MROH2A: variants seen among roughly 807,000 people sequenced by gnomAD.
MROH2A encodes maestro heat-like repeat-containing protein family member 2A.
In MROH2A, 174 loss-of-function variants were observed where a neutral mutation model predicts 200.4. The ratio of observed to expected loss-of-function variants is 0.87; its 90% CI spans 0.77 to 0.98. The LOEUF is 0.98. Among genes scored for constraint, MROH2A ranks in the 50% least tolerant of loss-of-function variants. MROH2A has a pLI of 0.00. For missense variants in MROH2A, 2,045 were observed against 2,139.6 expected (o/e 0.96, Z 0.87); for synonymous variants, 829 against 840.4 (o/e 0.99, Z 0.23).
chr2:233,822,438 A>G lies in MROH2A; in HGVS notation c.3748A>G (p.Ile1250Val). 2 of 1,550,800 alleles carry G rather than the reference A, an allele frequency of 1.3e-6. No homozygotes were observed. Among genetic ancestry groups the G allele is most frequent in the Non-Finnish European group, 8.7e-7 (1 of 1,147,034 alleles). The change falls in exon 33 of 42, where the codon ATC becomes GTC. Residue 1250 changes from isoleucine to valine, a missense_variant. Coordinates refer to ENST00000389758, the MANE Select transcript of MROH2A (RefSeq NM_001394639.1). ...DKLPDFLPDL[I>V]YTLLLQLGSS... ...GCTCCCGGACTTCCTCCCTGACCTCATCTACACCCTCCTGCTGCAGCTTGG... is the reference window on the plus strand; with the variant it reads ...GCTCCCGGACTTCCTCCCTGACCTCGTCTACACCCTCCTGCTGCAGCTTGG...
At chr2:233,784,490 G>A (rs1701096928) in intron 3 of MROH2A, among the ~76,000 whole-genome samples, 2 of 152,174 alleles carry the variant, frequency 1.3e-5, no homozygotes, top group African/African-American at 4.8e-5. Flanking sequence ...ATGTGCTGAT[G>A]AGAAACTAAT....
rs1704805260 is a variant in MROH2A at position 233,832,157 on chromosome 2, G to A, written c.4735-20G>A. The A allele has an allele frequency of 6.5e-7, 1 of 1,545,246 alleles. No individual in the cohort carries two copies. Among genetic ancestry groups the A allele is most frequent in the African/African-American group, 1.4e-5 (1 of 72,964 alleles). On this transcript the variant is annotated intron_variant, in intron 39 of 41. Coordinates refer to ENST00000389758, the MANE Select transcript of MROH2A (RefSeq NM_001394639.1). ...AGGGTCTCATCCTCCAAAGCTGTGTGTATCACTTACTTTTTGCAGACTCGG... is the reference window on the plus strand; with the variant it reads ...AGGGTCTCATCCTCCAAAGCTGTGTATATCACTTACTTTTTGCAGACTCGG...
At chr2:233,812,937 A>G (rs1035316425) in intron 24 of MROH2A, among the ~76,000 whole-genome samples, 2 of 152,222 alleles carry the variant, frequency 1.3e-5, no homozygotes, top group African/African-American at 4.8e-5. Context: ...AGGAGTTTAA[A>G]GCAGGATGGT....
At chr2:233,784,847 C>T (rs936337508) in intron 3 of MROH2A, among the ~76,000 whole-genome samples, 4 of 152,142 alleles carry the variant, frequency 2.6e-5, no homozygotes, top group African/African-American at 7.2e-5. Flanking sequence ...AACAGACTAA[C>T]ACGGGCTTTT....
intron 3 of MROH2A, among the ~76,000 whole-genome samples, chr2:233,788,116 A>T (rs565128681): frequency 2.2e-4 from 24 of 109,054 alleles, no homozygotes; most frequent in Admixed American, 5.8e-4. Flanking sequence ...CATATATATT[A>T]TATATACATA....
intron 41 of MROH2A, 130 bp downstream of exon 41, chr2:233,832,774 C>T: frequency 2.9e-6 from 2 of 679,106 alleles, no homozygotes; most frequent in Non-Finnish European, 5.1e-6. Context: ...GGGAGTGCAA[C>T]CAGGGCAGAG....
chr2:233,829,270 G>A (rs980385102), intron 37 of MROH2A, among the ~76,000 whole-genome samples, 198 bp downstream of exon 37: 7 of 152,146 alleles, frequency 4.6e-5, no homozygotes, highest in East Asian at 1.9e-4. Context: ...GTCAAGTGAC[G>A]GCTCCTGGGC....
At chr2:233,825,280 T>A (rs1704228168) in intron 35 of MROH2A, among the ~76,000 whole-genome samples, 1 of 152,202 alleles carries the variant, frequency 6.6e-6, no homozygotes, top group Admixed American at 6.5e-5. Flanking sequence ...AAGACATTTT[T>A]ACTTCCTCCC....
chr2:233,802,573 C>T, intron 15 of MROH2A: 1 of 379,934 alleles, frequency 2.6e-6, no homozygotes, highest in Non-Finnish European at 4.8e-6. Context: ...AGCCCTGGTC[C>T]AGATCCCATC....
chr2:233,815,994 G>A (rs1242461728), intron 26 of MROH2A, among the ~76,000 whole-genome samples: 3 of 152,048 alleles, frequency 2.0e-5, no homozygotes, highest in African/African-American at 7.2e-5. Flanking sequence ...GGGAGTTTCC[G>A]AGAATCTTTC....
chr2:233,829,059 T>C lies in MROH2A; in HGVS notation c.4433T>C (p.Ile1478Thr). Residue 1478 changes from isoleucine to threonine, a missense_variant, in exon 37 of 42, where the codon ATC (isoleucine) becomes ACC (threonine). Physicochemically the swap from Ile to Thr is moderately conservative, Grantham distance 89. This residue lies in a region of MROH2A where 1,201 missense variants were observed against 1,311.3 expected (regional missense o/e 0.92). Transcript: ENST00000389758. Reference protein sequence around the residue: ...SFDAMSEQCRIFFDNESELLR... With the variant: ...SFDAMSEQCRTFFDNESELLR... ...GACGCCATGTCTGAGCAGTGCAGGA[T>C]CTTCTTCGACAACGTGAGTCCGATG... 1.3e-6 allele frequency: 2 copies of C among 1,524,552 alleles called. No individual in the cohort carries two copies. Among genetic ancestry groups the C allele is most frequent in the Non-Finnish European group, 1.8e-6 (2 of 1,132,776 alleles). 94.4% of individuals were successfully genotyped at this position (1,524,552 alleles called of 1,614,324 possible).
intron 30 of MROH2A, 86 bp from the exon 31 acceptor site, chr2:233,819,816 C>T (rs1197001791): frequency 1.4e-6 from 2 of 1,389,672 alleles, no homozygotes; most frequent in Non-Finnish European, 1.9e-6. Flanking sequence ...GGGCCAGAGC[C>T]CTTAGAGCAG....
intron 3 of MROH2A, among the ~76,000 whole-genome samples, chr2:233,781,677 C>T (rs1166120488): frequency 4.6e-5 from 7 of 152,132 alleles, no homozygotes; most frequent in Non-Finnish European, 8.8e-5. Context: ...TGGGTTGTCT[C>T]TTCGCTTTGT....
Position 233,828,859 on chromosome 2 carries a change from TG to T in MROH2A, c.4264-30del. On this transcript the variant is annotated intron_variant, in intron 36 of 41. Transcript: ENST00000389758. The surrounding 1 kb of genome is among the most constrained non-coding windows in gnomAD (Gnocchi z 4.6). ...GCCCTGGTCAGCCTGGGAGGGAGGG[TG>T]CAGGCTGAGGGCTGCCCATGCCCCT... The T allele has an allele frequency of 6.5e-7, 1 of 1,549,342 alleles. No homozygotes were observed. The highest frequency in any genetic ancestry group is 8.7e-7 in the Non-Finnish European group (1 of 1,146,616).
In MROH2A at chr2:233,779,682, C is replaced by A; in HGVS notation, c.106C>A (p.Gln36Lys). 1.3e-6 allele frequency: 2 copies of A among 1,551,048 alleles called. No homozygotes were observed. Among genetic ancestry groups the A allele is most frequent in the Non-Finnish European group, 8.7e-7 (1 of 1,147,066 alleles). ...GTTTGTTTTCATAGGTACCTTTCAA[C>A]AAGTCGTGAACCTTCTGGACATCAT... Reference protein sequence around the residue: ...LELHDSGTFQQVVNLLDIIDS... With the variant: ...LELHDSGTFQKVVNLLDIIDS... Residue 36 changes from glutamine (Q) to lysine (K), a missense_variant, in exon 3 of 42, where the codon CAA (glutamine) becomes AAA (lysine). Around this residue, in one of 3 missense-constraint regions of MROH2A, gnomAD observed 831 missense variants for 800.0 expected, o/e 1.04. Coordinates refer to ENST00000389758, the MANE Select transcript of MROH2A (RefSeq NM_001394639.1).
intron 3 of MROH2A, among the ~76,000 whole-genome samples, chr2:233,787,630 T>TATATGTATCATATATAC (rs1701312667): frequency 1.8e-5 from 1 of 55,580 alleles, no homozygotes; most frequent in Non-Finnish European, 2.9e-5. Context: ...ACATATATAT[T>TATATGTATCATATATAC]ATATATATTA....
intron 35 of MROH2A, among the ~76,000 whole-genome samples, chr2:233,825,361 G>T (rs1704233857): frequency 6.6e-6 from 1 of 152,156 alleles, no homozygotes; most frequent in African/African-American, 2.4e-5. Flanking sequence ...ATACTATGTT[G>T]AGTAGGAGTG....
At chr2:233,810,237 C>G (rs1187555846) in intron 22 of MROH2A, among the ~76,000 whole-genome samples, 2 of 152,168 alleles carry the variant, frequency 1.3e-5, no homozygotes, top group Non-Finnish European at 1.5e-5. Context: ...AAAGGCATAC[C>G]TGAAACTGGG....
Position 233,796,249 on chromosome 2 carries a change from GACAA to G in MROH2A, c.1193_1196del (p.Asn398ArgfsTer9). 6.7e-7 allele frequency: 1 copy of G among 1,491,536 alleles called. No individual in the cohort carries two copies. Among genetic ancestry groups the G allele is most frequent in the Non-Finnish European group, 9.0e-7 (1 of 1,111,440 alleles). 92.4% of individuals were successfully genotyped at this position (1,491,536 alleles called of 1,614,324 possible). A position where few individuals can be genotyped will look rare whatever the true frequency, so the allele number is the denominator to read the frequency against. ...TGAAGTTCTTCTTCAGCCAGATGGA[GACAA>G]ACAAGGAGGCCGTCCGCGTGGGGAC... On this transcript the variant is annotated frameshift_variant, in exon 11 of 42. Coordinates refer to ENST00000389758, the MANE Select transcript of MROH2A (RefSeq NM_001394639.1). LOFTEE classifies it high-confidence loss of function.
Sources: allele counts gnomAD v4.1 joint callset (sites outside exome capture counted in the v4.1 genomes callset), GRCh38; gene constraint gnomAD v4.1.1; regional missense constraint gnomAD v4.1.1; non-coding constraint Gnocchi (gnomAD v3.1); transcripts MANE v1.5; gene names NCBI Gene and HGNC (gene_info 2026-07-23, HGNC 2026-07-21).